THADA: variants seen among roughly 807,000 people sequenced by gnomAD.
THADA encodes tRNA (32-2'-O)-methyltransferase regulator THADA.
THADA carries 213 observed loss-of-function variants against 219.8 expected under a neutral mutation model. The ratio of observed to expected loss-of-function variants is 0.97; its 90% CI spans 0.87 to 1.09. The LOEUF is 1.09. Ranked by LOEUF, THADA falls within the 50% of genes least tolerant of loss-of-function variation. THADA has a pLI of 0.00. For synonymous variants in THADA, 1,018 were observed against 828.9 expected, an observed-to-expected ratio of 1.23 and a Z score of -3.92; for missense variants, 2,956 against 2,311.3, an observed-to-expected ratio of 1.28 and a Z score of -5.72.
In THADA at chr2:43,591,936, A is replaced by C; in HGVS notation, c.171+16T>G. ...TACTCTTAAAGATGCATCCATGAAT[A>C]TCAATTCAGACTTACCTGTTTAATA... On this transcript the variant is annotated intron_variant, in intron 3 of 37. Transcript: ENST00000405975. 6.8e-7 allele frequency: 1 copy of C among 1,471,930 alleles called. No homozygotes were observed. The highest frequency in any genetic ancestry group is 9.1e-7 in the Non-Finnish European group (1 of 1,100,484). 91.2% of individuals were successfully genotyped at this position (1,471,930 alleles called of 1,614,324 possible).
At chr2:43,546,796 C>A (rs1696086832) in intron 20 of THADA, among the ~76,000 whole-genome samples, 1 of 152,182 alleles carries the variant, frequency 6.6e-6, no homozygotes, top group Non-Finnish European at 1.5e-5. Context: ...CTGAATACAG[C>A]ACACTGATGG....
At chr2:43,373,386 A>G (rs553523846) in intron 29 of THADA, among the ~76,000 whole-genome samples, 57 of 152,308 alleles carry the variant, frequency 3.7e-4, no homozygotes, top group African/African-American at 1.3e-3. Flanking sequence ...GCATCCAATA[A>G]TTTCTATTTT....
chr2:43,505,799 C>A, intron 23 of THADA, 64 bp from the exon 24 acceptor site: 1 of 1,184,512 alleles, frequency 8.4e-7, no homozygotes, highest in South Asian at 1.4e-5. Context: ...TTGCTGCTTC[C>A]CTGGATCAAT....
chr2:43,421,281 A>G (rs1324858295), intron 28 of THADA, among the ~76,000 whole-genome samples: 1 of 152,114 alleles, frequency 6.6e-6, no homozygotes, highest in Non-Finnish European at 1.5e-5. Context: ...GGATAGCAGA[A>G]CCCTTTTTTC....
intron 4 of THADA, among the ~76,000 whole-genome samples, chr2:43,588,906 G>C (rs189657920): frequency 6.6e-6 from 1 of 152,016 alleles, no homozygotes; most frequent in Non-Finnish European, 1.5e-5. Flanking sequence ...TTTATACCAT[G>C]TAATATAAAT....
intron 20 of THADA, among the ~76,000 whole-genome samples, chr2:43,545,352 C>T (rs1695883008): frequency 6.6e-6 from 1 of 151,886 alleles, no homozygotes. Context: ...GGTTGTGTCT[C>T]TGCCTGGCTT....
At chr2:43,387,443 A>G (rs1432219724) in intron 29 of THADA, among the ~76,000 whole-genome samples, 1 of 152,194 alleles carries the variant, frequency 6.6e-6, no homozygotes, top group African/African-American at 2.4e-5. Context: ...TAGTGACTCC[A>G]GTCTGAGTTT....
At chr2:43,475,302 G>C (rs771559458) in intron 26 of THADA, among the ~76,000 whole-genome samples, 1 of 151,802 alleles carries the variant, frequency 6.6e-6, no homozygotes, top group African/African-American at 2.4e-5. Flanking sequence ...TGTAGCCCCA[G>C]CTACTTGGGA....
chr2:43,350,181 A>T (rs1046545697), intron 29 of THADA, among the ~76,000 whole-genome samples: 2 of 152,188 alleles, frequency 1.3e-5, no homozygotes, highest in African/African-American at 4.8e-5. Context: ...GACTTAATTC[A>T]TACAAACAGA....
At position 43,331,393 on chromosome 2, in the gene THADA, A is replaced by G. The variant is rs371532037; in HGVS notation, c.4344-10853T>C. 7.2e-5 allele frequency among the ~76,000 whole-genome samples: 11 copies of G among 152,372 alleles called. No individual in the cohort carries two copies. In the East Asian group the frequency reaches 1.3e-3, roughly 19 times the overall value. Reference sequence around the variant, plus strand: ...TCCTTAAGAGAGACTAGAAACTCTGATGACCACTAAGCGAGGTTGGAAAGA... The same window carrying G: ...TCCTTAAGAGAGACTAGAAACTCTGGTGACCACTAAGCGAGGTTGGAAAGA... On this transcript the variant is annotated intron_variant, in intron 30 of 37. Coordinates refer to ENST00000405975, the MANE Select transcript of THADA (RefSeq NM_022065.5).
At chr2:43,424,950 T>C (rs953936360) in intron 28 of THADA, among the ~76,000 whole-genome samples, 1 of 152,190 alleles carries the variant, frequency 6.6e-6, no homozygotes, top group African/African-American at 2.4e-5. Flanking sequence ...ACATTACGTC[T>C]ATATCCAGAA....
chr2:43,286,965 C>A lies in THADA; in HGVS notation c.5107G>T (p.Val1703Phe). ...GGTGTAGTACTGGTGAGGACTTCAACGACGGCCAGCCTAGACTCTGTAGGA... is the reference window on the plus strand; with the variant it reads ...GGTGTAGTACTGGTGAGGACTTCAAAGACGGCCAGCCTAGACTCTGTAGGA... Reference protein sequence around the residue: ...HLPTESRLAVVEVLTSTTPLF... With the variant: ...HLPTESRLAVFEVLTSTTPLF... The change falls in exon 35 of 38, where the codon GTT becomes TTT. Residue 1703 changes from valine to phenylalanine, a missense_variant. Val to Phe is a conservative substitution (Grantham distance 50). Transcript: ENST00000405975. 1 of 1,613,928 alleles carries A rather than the reference C, an allele frequency of 6.2e-7. No individual in the cohort carries two copies. The highest frequency in any genetic ancestry group is 8.5e-7 in the Non-Finnish European group (1 of 1,179,878).
intron 37 of THADA, 100 bp from the exon 38 acceptor site, chr2:43,231,443 C>A (rs1191690348): frequency 8.0e-7 from 1 of 1,246,382 alleles, no homozygotes; most frequent in Non-Finnish European, 1.1e-6. Context: ...AGGGGTTTCC[C>A]TTCCCCCACC....
In THADA at chr2:43,543,721, G is replaced by GT. The variant is rs961553302; in HGVS notation, c.3107-2406dup. On this transcript the variant is annotated intron_variant, in intron 20 of 37. Coordinates refer to ENST00000405975, the MANE Select transcript of THADA (RefSeq NM_022065.5). ...CCTTTGCCCACTTTTTGATGGGGTT[G>GT]TTTTTTTCTTGTAAATTTGTTTTGA... is the stretch of plus-strand genomic sequence containing the variant. 1.1e-3 allele frequency among the ~76,000 whole-genome samples: 168 copies of GT among 152,206 alleles called. 2 individuals carry two copies. The highest frequency in any genetic ancestry group is 3.7e-3 in the African/African-American group (152 of 41,516).
At chr2:43,426,112 C>T (rs1678392383) in intron 28 of THADA, among the ~76,000 whole-genome samples, 1 of 152,296 alleles carries the variant, frequency 6.6e-6, no homozygotes, top group East Asian at 1.9e-4. Flanking sequence ...GCCCTAAGTA[C>T]ACTGGCTTCA....
chr2:43,237,585 G>C (rs962190785), intron 36 of THADA, among the ~76,000 whole-genome samples: 22 of 151,538 alleles, frequency 1.5e-4, no homozygotes, highest in African/African-American at 5.1e-4. Context: ...ATTTTTAGTA[G>C]AGACGGGGTT....
chr2:43,470,472 G>C (rs1684781900), intron 26 of THADA, among the ~76,000 whole-genome samples: 1 of 152,064 alleles, frequency 6.6e-6, no homozygotes, highest in Non-Finnish European at 1.5e-5. Flanking sequence ...TATAAGGAAT[G>C]TTACTTAAGC....
At chr2:43,370,174 C>G (rs1187805438) in intron 29 of THADA, 2 of 152,222 alleles carry the variant, frequency 1.3e-5, no homozygotes, top group Non-Finnish European at 2.9e-5. Flanking sequence ...AATGAGAATG[C>G]AAACTTAGGG....
At chr2:43,592,171 C>T (rs892182337) in intron 2 of THADA, 125 bp from the exon 3 acceptor site, 5 of 1,008,266 alleles carry the variant, frequency 5.0e-6, no homozygotes, top group Non-Finnish European at 4.3e-6. Flanking sequence ...AGTCTGAAGA[C>T]AGAATTTTAA....
Sources: allele counts gnomAD v4.1 joint callset (sites outside exome capture counted in the v4.1 genomes callset), GRCh38; gene constraint gnomAD v4.1.1; transcripts MANE v1.5; gene names NCBI Gene and HGNC (gene_info 2026-07-23, HGNC 2026-07-21).